The following ELAVL4 variants were observed in gnomAD, a reference collection of about 807,000 sequenced individuals.
The protein encoded by ELAVL4 is ELAV-like protein 4.
In ELAVL4, 1 loss-of-function variant was observed where a neutral mutation model predicts 35.6. The observed-to-expected ratio is 0.03, with a 90% CI of 0.01 to 0.13. The LOEUF is 0.13. ELAVL4 is among the 10% of genes least tolerant of loss of function. The pLI is 1.00. For synonymous variants in ELAVL4, 156 were observed against 171.0 expected (o/e 0.91, Z 0.69); for missense variants, 267 against 464.9 (o/e 0.57, Z 3.91).
chr1:50,200,759 C>T (rs1196031903), intron 6 of ELAVL4, 92 bp from the exon 7 acceptor site: 6 of 1,543,466 alleles, frequency 3.9e-6, no homozygotes, highest in African/African-American at 2.7e-5. Flanking sequence ...ACTCACTCAG[C>T]CCTCTGCCCC....
At position 50,053,648 on chromosome 1, in the gene ELAVL4, C is replaced by T. The variant is rs149039760; in HGVS notation, c.18+5466C>T. On this transcript the variant is annotated intron_variant, in intron 1 of 6. Coordinates refer to the ELAVL4 transcript ENST00000448907. The stretch of plus-strand genomic sequence containing the variant: ...TATAGGCAAGATTGATTGATAGATT[C>T]AGTGAATGTTTATTGAGTGTCTGGT... Among the ~76,000 whole-genome samples, 15 of 152,302 alleles carry T rather than the reference C, an allele frequency of 9.8e-5. No individual in the cohort carries two copies. The East Asian group carries it at 2.9e-3, about 29-fold the overall frequency.
At chr1:50,119,074 A>AAG (rs1282930613) in intron 1 of ELAVL4, among the ~76,000 whole-genome samples, 5 of 137,188 alleles carry the variant, frequency 3.6e-5, no homozygotes, top group African/African-American at 1.4e-4. Context: ...GAAAGAAAGA[A>AAG]AGAAAGAAAG....
At chr1:50,133,645 A>AAG (rs1444890436) in intron 1 of ELAVL4, among the ~76,000 whole-genome samples, 1 of 148,986 alleles carries the variant, frequency 6.7e-6, no homozygotes, top group African/African-American at 2.5e-5. Context: ...GAAAGAAAGA[A>AAG]AGAAAGAGAA....
intron 1 of ELAVL4, among the ~76,000 whole-genome samples, chr1:50,129,735 C>T (rs1482994355): frequency 6.6e-6 from 1 of 152,074 alleles, no homozygotes; most frequent in African/African-American, 2.4e-5. Context: ...TTTAAGTATA[C>T]TTTTCTATTT....
chr1:50,119,985 C>A (rs2148586993), intron 1 of ELAVL4, among the ~76,000 whole-genome samples: 1 of 151,138 alleles, frequency 6.6e-6, no homozygotes, highest in Admixed American at 6.6e-5. Flanking sequence ...TCCAGCTCAG[C>A]CAAAGTTTAC....
At chr1:50,123,616 G>A (rs1223509948) in intron 1 of ELAVL4, among the ~76,000 whole-genome samples, 2 of 152,044 alleles carry the variant, frequency 1.3e-5, no homozygotes, top group Non-Finnish European at 2.9e-5. Flanking sequence ...TGTGGCTCAG[G>A]ACCAAGTCTA....
intron 1 of ELAVL4, among the ~76,000 whole-genome samples, chr1:50,085,370 G>T (rs1665192163): frequency 6.6e-6 from 1 of 152,182 alleles, no homozygotes; most frequent in Admixed American, 6.5e-5. Context: ...CCAGTGCCAT[G>T]GCGTACACCT....
At chr1:50,172,389 T>C (rs937146604) in intron 2 of ELAVL4, among the ~76,000 whole-genome samples, 2 of 152,218 alleles carry the variant, frequency 1.3e-5, no homozygotes, top group African/African-American at 4.8e-5. Flanking sequence ...TTTCAGGGTC[T>C]CAGAATCATT....
chr1:50,122,200 TA>T (rs1368645858), intron 1 of ELAVL4, among the ~76,000 whole-genome samples: 76 of 152,208 alleles, frequency 5.0e-4, no homozygotes, highest in Non-Finnish European at 6.5e-4. Context: ...CATGAAAATG[TA>T]TTAAAGTGCC....
chr1:50,072,730 C>T (rs1310218128), intron 1 of ELAVL4, among the ~76,000 whole-genome samples: 1 of 152,106 alleles, frequency 6.6e-6, no homozygotes, highest in Non-Finnish European at 1.5e-5. Flanking sequence ...TGCCAAATGC[C>T]AGACATTGTG....
intron 3 of ELAVL4, among the ~76,000 whole-genome samples, chr1:50,191,855 C>T (rs61784196): frequency 0.04 from 6,023 of 152,242 alleles, 168 homozygotes; most frequent in African/African-American, 0.08. Context: ...AAATGTCATT[C>T]GGATAATTAA....
chr1:50,106,423 C>T, upstream of ELAVL4: 1 of 1,570,908 alleles, frequency 6.4e-7, no homozygotes. Flanking sequence ...GCTGGCAGCC[C>T]CACAGTGCTG....
chr1:50,187,438 T>C (rs1413329054), intron 3 of ELAVL4, among the ~76,000 whole-genome samples: 1 of 152,224 alleles, frequency 6.6e-6, no homozygotes, highest in African/African-American at 2.4e-5. Context: ...CTAAACTATG[T>C]ATTCAAGTGA....
intron 6 of ELAVL4, among the ~76,000 whole-genome samples, chr1:50,199,899 T>C (rs1251928528): frequency 2.0e-5 from 3 of 152,168 alleles, no homozygotes; most frequent in Non-Finnish European, 4.4e-5. Context: ...TAAAGGGTCA[T>C]TTTTTCTTTT....
At chr1:50,154,873 G>C (rs1222827745) in intron 2 of ELAVL4, among the ~76,000 whole-genome samples, 1 of 151,468 alleles carries the variant, frequency 6.6e-6, no homozygotes, top group Non-Finnish European at 1.5e-5. Context: ...AGATAGTATG[G>C]AAAAAACTAA....
intron 1 of ELAVL4, among the ~76,000 whole-genome samples, chr1:50,128,906 A>T (rs904169295): frequency 1.3e-5 from 2 of 152,006 alleles, no homozygotes; most frequent in African/African-American, 4.8e-5. Context: ...CCATGTGAAT[A>T]TTGGCTAGTT....
chr1:50,178,016 G>C (rs1218896663), intron 3 of ELAVL4, among the ~76,000 whole-genome samples: 1 of 152,190 alleles, frequency 6.6e-6, no homozygotes, highest in Admixed American at 6.5e-5. Context: ...AGGAGGTAGT[G>C]CTGTTTGCCT....
chr1:50,150,576 G>A (rs1237502194), intron 2 of ELAVL4, among the ~76,000 whole-genome samples: 6 of 152,172 alleles, frequency 3.9e-5, no homozygotes, highest in African/African-American at 1.2e-4. Flanking sequence ...AGAGCATCTA[G>A]GCTTTGAGTC....
At chr1:50,082,778 A>AT (rs1665067480) in intron 1 of ELAVL4, among the ~76,000 whole-genome samples, 1 of 152,194 alleles carries the variant, frequency 6.6e-6, no homozygotes, top group South Asian at 2.1e-4. Context: ...AGAATTAGGC[A>AT]TTTGATCTAT....
Sources: gnomAD v4.1 joint callset for allele counts (sites outside exome capture counted in the v4.1 genomes callset) on GRCh38, gnomAD v4.1.1 for gene constraint, MANE v1.5 for transcripts, NCBI Gene and HGNC (gene_info 2026-07-23, HGNC 2026-07-21) for gene names.